PARD3B: variants seen among roughly 807,000 people sequenced by gnomAD.
PARD3B encodes partitioning defective 3 homolog B.
A neutral mutation model predicts 130.2 loss-of-function variants in PARD3B; 103 were observed. That is an observed-to-expected ratio of 0.79 (90% CI 0.67 to 0.93). PARD3B has a LOEUF of 0.93. PARD3B is among the 40% of genes least tolerant of loss of function. The pLI is 0.00. For synonymous variants in PARD3B, 583 were observed against 553.2 expected, an observed-to-expected ratio of 1.05 and a Z score of -0.76; for missense variants, 1,609 against 1,499.2, an observed-to-expected ratio of 1.07 and a Z score of -1.21.
chr2:204,960,854 C>T (rs907414235), intron 2 of PARD3B, among the ~76,000 whole-genome samples: 7 of 152,106 alleles, frequency 4.6e-5, no homozygotes, highest in East Asian at 1.9e-4. Context: ...AAAACAAAGG[C>T]GGAGAATACA....
chr2:204,989,332 G>A (rs959003283), intron 3 of PARD3B, among the ~76,000 whole-genome samples: 2 of 152,156 alleles, frequency 1.3e-5, no homozygotes, highest in Non-Finnish European at 2.9e-5. Flanking sequence ...AGTATGGTGA[G>A]ATTTTTCTGG....
rs140242365 is a variant in PARD3B, at chr2:204,792,293, A to G, written c.222+106011A>G. Reference sequence around the variant, plus strand: ...TATCAGAACATATTGTATTTCACCTATCATATTTTTTCTTAAAGTGCTTAA... The same window carrying G: ...TATCAGAACATATTGTATTTCACCTGTCATATTTTTTCTTAAAGTGCTTAA... On this transcript the variant is annotated intron_variant, in intron 2 of 22. Coordinates refer to ENST00000406610, the MANE Select transcript of PARD3B (RefSeq NM_001302769.2). Among the ~76,000 whole-genome samples the G allele has an allele frequency of 1.2e-4, 18 of 152,302 alleles. No individual in the cohort carries two copies. In the East Asian group the frequency reaches 2.7e-3, roughly 23 times the overall value.
intron 18 of PARD3B, among the ~76,000 whole-genome samples, chr2:205,399,645 A>G (rs550707737): frequency 2.7e-4 from 41 of 152,140 alleles, no homozygotes; most frequent in East Asian, 7.8e-4. Flanking sequence ...GTGAGCCACC[A>G]CACCCAGCTG....
intron 21 of PARD3B, among the ~76,000 whole-genome samples, chr2:205,517,306 A>G (rs2216111): frequency 0.94 from 142,847 of 152,136 alleles, 67,696 homozygotes; most frequent in East Asian, 1. Flanking sequence ...GTTTCTCTTG[A>G]GAGGGTATAT....
At position 205,392,060 on chromosome 2, in the gene PARD3B, T is replaced by C. The variant is rs537687876; in HGVS notation, c.2631-8953T>C. Among the ~76,000 whole-genome samples, 3 of 152,334 alleles carry C rather than the reference T, an allele frequency of 2.0e-5. No homozygotes were observed. The South Asian group carries it at 6.2e-4, about 32-fold the overall frequency. ...TTGGTGATCTGTGCTTTACTTTACT[T>C]TCTGGACCCTCTAGAATTATTTTTA... On this transcript the variant is annotated intron_variant, in intron 18 of 22. Transcript: ENST00000406610.
At chr2:205,154,364 T>G (rs906814175) in intron 10 of PARD3B, among the ~76,000 whole-genome samples, 1 of 152,118 alleles carries the variant, frequency 6.6e-6, no homozygotes, top group African/African-American at 2.4e-5. Context: ...CTCACACCAA[T>G]TAGAATGACA....
intron 2 of PARD3B, among the ~76,000 whole-genome samples, chr2:204,739,064 T>C (rs1401102981): frequency 6.6e-6 from 1 of 152,156 alleles, no homozygotes; most frequent in Non-Finnish European, 1.5e-5. Context: ...TGGGAGACAA[T>C]TTTTTAAATC....
At chr2:204,794,569 T>G (rs1464727880) in intron 2 of PARD3B, among the ~76,000 whole-genome samples, 1 of 152,226 alleles carries the variant, frequency 6.6e-6, no homozygotes, top group Non-Finnish European at 1.5e-5. Flanking sequence ...CACTATTATA[T>G]GGTCTTCCCA....
intron 5 of PARD3B, among the ~76,000 whole-genome samples, chr2:205,108,966 A>G (rs1703430957): frequency 6.6e-6 from 1 of 151,494 alleles, no homozygotes; most frequent in Admixed American, 6.6e-5. Flanking sequence ...CCCAAGTAAT[A>G]CCTTGCATTC....
chr2:204,952,968 G>T (rs60965411), intron 2 of PARD3B, among the ~76,000 whole-genome samples: 1 of 147,150 alleles, frequency 6.8e-6, no homozygotes, highest in Non-Finnish European at 1.5e-5. Context: ...CTGCACTCCA[G>T]CCTGGGCGAC....
intron 18 of PARD3B, among the ~76,000 whole-genome samples, chr2:205,326,721 G>T (rs1292722809): frequency 6.6e-6 from 1 of 151,994 alleles, no homozygotes; most frequent in Admixed American, 6.6e-5. Context: ...TATAGTCTTA[G>T]GTCAAATCTA....
Position 205,042,096 on chromosome 2 carries a change from A to G in PARD3B, c.395-5485A>G, listed in dbSNP as rs190070337. Among the ~76,000 whole-genome samples the G allele has an allele frequency of 2.8e-4, 43 of 152,244 alleles. No individual in the cohort carries two copies. The East Asian group carries it at 8.1e-3, about 29-fold the overall frequency. On this transcript the variant is annotated intron_variant, in intron 3 of 22. Transcript: ENST00000406610. ...TCTTGCATGATTCATTGGTATACCA[A>G]TTTCACCCTTTAACTAATGGCTGCC... is the stretch of plus-strand genomic sequence containing the variant.
rs1264807788 is a variant in PARD3B at position 204,998,530 on chromosome 2, ATG to A, written c.394+33213_394+33214del. Among the ~76,000 whole-genome samples, 5 of 64,934 alleles carry A rather than the reference ATG, an allele frequency of 7.7e-5. No homozygotes were observed. The East Asian group carries it at 1.4e-3, about 18-fold the overall frequency. 42.6% of individuals were successfully genotyped at this position (64,934 alleles called of 152,430 possible). On this transcript the variant is annotated intron_variant, in intron 3 of 22. Transcript: ENST00000406610. ...TATATATATATGTGTGTGTATATAT[ATG>A]TGTGTATATATATATAAAGAATTAG...
chr2:204,776,089 T>A (rs1300402192), intron 2 of PARD3B, among the ~76,000 whole-genome samples: 1 of 152,224 alleles, frequency 6.6e-6, no homozygotes, highest in Non-Finnish European at 1.5e-5. Flanking sequence ...ACTAAATATG[T>A]GGTCTGATAA....
intron 1 of PARD3B, among the ~76,000 whole-genome samples, chr2:204,667,038 G>T (rs1279277100): frequency 1.3e-5 from 2 of 152,180 alleles, no homozygotes; most frequent in African/African-American, 4.8e-5. Flanking sequence ...AAGGGAGACA[G>T]CTTATGTCCG....
At position 205,460,089 on chromosome 2, in the gene PARD3B, A is replaced by C. The variant is rs2048399808; in HGVS notation, c.3044+19417A>C. Among the ~76,000 whole-genome samples the C allele has an allele frequency of 6.6e-6, 1 of 152,194 alleles. No homozygotes were observed. The highest frequency in any genetic ancestry group is 6.5e-5 in the Admixed American group (1 of 15,268). ...AGTACCAGAAGACTTGGATGTGCTTAATTCCAGTTTAGAATCTGGAAAACA... is the reference window on the plus strand; with the variant it reads ...AGTACCAGAAGACTTGGATGTGCTTCATTCCAGTTTAGAATCTGGAAAACA... On this transcript the variant is annotated intron_variant, in intron 20 of 22. Transcript: ENST00000406610. This position sits in a 1 kb window ranked among gnomAD's most constrained non-coding sequence, Gnocchi z 4.9.
chr2:205,423,257 G>C (rs2047033681), intron 19 of PARD3B, among the ~76,000 whole-genome samples: 1 of 152,182 alleles, frequency 6.6e-6, no homozygotes, highest in Non-Finnish European at 1.5e-5. Flanking sequence ...GTAGAGGGAG[G>C]AAGACCAGAT....
intron 1 of PARD3B, among the ~76,000 whole-genome samples, chr2:204,561,043 G>A (rs2031277729): frequency 6.6e-6 from 1 of 152,006 alleles, no homozygotes; most frequent in African/African-American, 2.4e-5. Context: ...CTGGGGTTCC[G>A]AGATAACTAA....
chr2:205,482,227 T>C (rs887920862), intron 20 of PARD3B, among the ~76,000 whole-genome samples: 1 of 152,056 alleles, frequency 6.6e-6, no homozygotes, highest in African/African-American at 2.4e-5. Flanking sequence ...TTTTAGAGAA[T>C]AGCTAAAGAG....
Sources: allele counts gnomAD v4.1 joint callset (sites outside exome capture counted in the v4.1 genomes callset), GRCh38; gene constraint gnomAD v4.1.1; non-coding constraint Gnocchi (gnomAD v3.1); transcripts MANE v1.5; gene names NCBI Gene and HGNC (gene_info 2026-07-23, HGNC 2026-07-21).